The following CSMD3 variants were observed in gnomAD, a reference collection of about 807,000 sequenced individuals.
CSMD3 encodes CUB and sushi domain-containing protein 3.
Under a neutral mutation model 435.2 loss-of-function variants are expected in CSMD3, and 177 were observed. The observed-to-expected ratio is 0.41, with a 90% CI of 0.36 to 0.46. The LOEUF (loss-of-function observed/expected upper bound fraction) is 0.46, where lower values mean the gene tolerates loss of function less well. Among genes scored for constraint, CSMD3 ranks in the 20% least tolerant of loss-of-function variants. The probability of loss-of-function intolerance (pLI) is 0.34; values close to 1 mark genes in which losing one functional copy is unlikely to be tolerated. For missense variants in CSMD3, 4,265 were observed against 4,504.6 expected, an observed-to-expected ratio of 0.95 and a Z score of 1.52; for synonymous variants, 1,656 against 1,520.5, an observed-to-expected ratio of 1.09 and a Z score of -2.07.
chr8:113,254,641 A>G (rs1192303764), intron 3 of CSMD3, among the ~76,000 whole-genome samples: 1 of 152,202 alleles, frequency 6.6e-6, no homozygotes, highest in East Asian at 1.9e-4. Context: ...AGGTCTTACA[A>G]TATTAAGTAA....
At chr8:112,593,353 C>A (rs970989846) in intron 22 of CSMD3, among the ~76,000 whole-genome samples, 2 of 151,952 alleles carry the variant, frequency 1.3e-5, no homozygotes, top group African/African-American at 4.8e-5. Flanking sequence ...AGAGCTTCAA[C>A]TAAAGCAATG....
intron 13 of CSMD3, among the ~76,000 whole-genome samples, chr8:112,793,466 C>T (rs777789306): frequency 6.6e-6 from 1 of 151,884 alleles, no homozygotes; most frequent in Non-Finnish European, 1.5e-5. Flanking sequence ...TATCTGAAAG[C>T]ATTGAACTAT....
intron 3 of CSMD3, among the ~76,000 whole-genome samples, chr8:113,260,566 G>T (rs2093418741): frequency 6.6e-6 from 1 of 152,028 alleles, no homozygotes; most frequent in South Asian, 2.1e-4. Context: ...TGCATTCTGT[G>T]ACATGTTAAC....
intron 6 of CSMD3, among the ~76,000 whole-genome samples, chr8:112,989,319 A>G (rs1875842): frequency 0.017 from 2,565 of 152,122 alleles, 163 homozygotes; most frequent in East Asian, 0.12. Flanking sequence ...CTTCCTATCC[A>G]GTTATCACTT....
intron 14 of CSMD3, among the ~76,000 whole-genome samples, chr8:112,686,931 A>G (rs1220208464): frequency 1.3e-5 from 2 of 152,174 alleles, no homozygotes; most frequent in African/African-American, 2.4e-5. Flanking sequence ...ATTAATTTAT[A>G]TGGACATATA....
chr8:112,233,639 C>G (rs1198606188), intron 68 of CSMD3, among the ~76,000 whole-genome samples: 1 of 152,140 alleles, frequency 6.6e-6, no homozygotes, highest in Non-Finnish European at 1.5e-5. Context: ...AGCCTATGAT[C>G]CACTACAGTA....
chr8:112,933,548 T>C (rs1178622917), intron 9 of CSMD3, among the ~76,000 whole-genome samples: 1 of 152,128 alleles, frequency 6.6e-6, no homozygotes, highest in Admixed American at 6.6e-5. Flanking sequence ...GAAATAGCAA[T>C]GGAGTGCATC....
intron 12 of CSMD3, among the ~76,000 whole-genome samples, chr8:112,803,791 C>A (rs184800924): frequency 1.3e-5 from 2 of 152,250 alleles, no homozygotes; most frequent in African/African-American, 4.8e-5. Flanking sequence ...ATAAAAGCTT[C>A]TTTTCCCTGC....
At chr8:112,337,880 C>A in intron 42 of CSMD3, 149 bp from the exon 43 acceptor site, 3 of 598,244 alleles carry the variant, frequency 5.0e-6, no homozygotes, top group Non-Finnish European at 9.0e-6. Context: ...TAAATGCTGT[C>A]AATGACCTGT....
intron 1 of CSMD3, among the ~76,000 whole-genome samples, chr8:113,389,299 A>G (rs937464271): frequency 4.0e-5 from 6 of 151,674 alleles, no homozygotes; most frequent in Non-Finnish European, 7.4e-5. Context: ...CTAAATTAGT[A>G]AAATTACAAT....
At chr8:112,618,065 C>T (rs1833791899) in intron 22 of CSMD3, among the ~76,000 whole-genome samples, 1 of 151,954 alleles carries the variant, frequency 6.6e-6, no homozygotes, top group Non-Finnish European at 1.5e-5. Context: ...GAGTTTAAGG[C>T]TACTAAAGAA....
chr8:112,741,215 C>A (rs147296798), intron 13 of CSMD3, among the ~76,000 whole-genome samples: 1 of 151,900 alleles, frequency 6.6e-6, no homozygotes, highest in East Asian at 1.9e-4. Flanking sequence ...AACTGTATAT[C>A]TGATAAAGCG....
intron 16 of CSMD3, among the ~76,000 whole-genome samples, chr8:112,675,467 C>T (rs533571663): frequency 7.2e-5 from 11 of 152,088 alleles, no homozygotes; most frequent in African/African-American, 2.4e-4. Flanking sequence ...ATTTTTGTCA[C>T]GGAGATTGCT....
intron 59 of CSMD3, among the ~76,000 whole-genome samples, chr8:112,266,444 G>T (rs1044018269): frequency 6.6e-6 from 1 of 152,196 alleles, no homozygotes; most frequent in African/African-American, 2.4e-5. Flanking sequence ...GACTGCACAT[G>T]AGCAGAAGCT....
chr8:112,327,959 C>T (rs913199919), intron 45 of CSMD3, among the ~76,000 whole-genome samples: 4 of 152,160 alleles, frequency 2.6e-5, no homozygotes, highest in African/African-American at 7.2e-5. Context: ...CTATTCAATG[C>T]GCTATTAAAG....
intron 32 of CSMD3, among the ~76,000 whole-genome samples, chr8:112,446,628 G>A (rs1815635508): frequency 6.6e-6 from 1 of 152,126 alleles, no homozygotes; most frequent in Admixed American, 6.5e-5. Context: ...GCTGATTTTT[G>A]TAGTTTTTAG....
chr8:112,412,055 C>A (rs1488405768), intron 32 of CSMD3, among the ~76,000 whole-genome samples: 1 of 152,026 alleles, frequency 6.6e-6, no homozygotes, highest in Non-Finnish European at 1.5e-5. Flanking sequence ...GATTATCTAT[C>A]TTATCTACAG....
chr8:113,221,921 G>A lies in CSMD3; in HGVS notation c.515-48005C>T, dbSNP rs551650234. Reference sequence around the variant, plus strand: ...AGTAGAACACTAGTCAATAAGAGCAGGGACTTTGTTTTATTCCCTACTACA... The same window carrying A: ...AGTAGAACACTAGTCAATAAGAGCAAGGACTTTGTTTTATTCCCTACTACA... On this transcript the variant is annotated intron_variant, in intron 3 of 70. Transcript: ENST00000297405. 8.6e-5 allele frequency among the ~76,000 whole-genome samples: 13 copies of A among 151,354 alleles called. No homozygotes were observed. In the East Asian group the frequency reaches 2.5e-3, roughly 29 times the overall value.
intron 53 of CSMD3, among the ~76,000 whole-genome samples, chr8:112,300,760 C>A (rs922750827): frequency 1.3e-5 from 2 of 151,966 alleles, no homozygotes; most frequent in African/African-American, 4.8e-5. Flanking sequence ...AACAAATGTG[C>A]CTGAGAAGGA....
Sources: allele counts gnomAD v4.1 joint callset (sites outside exome capture counted in the v4.1 genomes callset), GRCh38; gene constraint gnomAD v4.1.1; transcripts MANE v1.5; gene names NCBI Gene and HGNC (gene_info 2026-07-23, HGNC 2026-07-21).